The following CGGBP1 variants were observed in gnomAD, a reference collection of about 807,000 sequenced individuals.
CGGBP1 encodes the protein CGG triplet repeat binding protein 1.
A neutral mutation model predicts 11.4 loss-of-function variants in CGGBP1; 4 were observed. The observed-to-expected ratio is 0.35, with a 90% CI of 0.17 to 0.80. The LOEUF (loss-of-function observed/expected upper bound fraction) is 0.80. CGGBP1 is among the 30% of genes least tolerant of loss of function. The pLI is 0.52. For synonymous variants in CGGBP1, 76 were observed against 74.1 expected (o/e 1.03, Z -0.13); for missense variants, 135 against 202.1 (o/e 0.67, Z 2.01).
At chr3:88,103,334 A>G (rs1394067876) in intron 2 of CGGBP1, among the ~76,000 whole-genome samples, 1 of 152,236 alleles carries the variant, frequency 6.6e-6, no homozygotes, top group Non-Finnish European at 1.5e-5. Flanking sequence ...AAATAGACAC[A>G]TTAACAGATG....
exon 2 of CGGBP1, chr3:88,140,975 T>C (rs1376037599): frequency 8.7e-6 from 14 of 1,613,288 alleles, no homozygotes; most frequent in African/African-American, 1.3e-5. Context: ...CCTACTGTAA[T>C]GCAGAAGCAC....
chr3:88,062,304 G>A (rs1009461343), upstream of CGGBP1, among the ~76,000 whole-genome samples: 1 of 152,196 alleles, frequency 6.6e-6, no homozygotes, highest in African/African-American at 2.4e-5. Context: ...TTTCCATTAT[G>A]TAGACATGCT....
intron 3 of CGGBP1, 54 bp from the exon 4 acceptor site, chr3:88,056,053 A>C (rs930245447): frequency 1.5e-6 from 2 of 1,330,432 alleles, no homozygotes; most frequent in African/African-American, 2.9e-5. Flanking sequence ...TCATTCTGGA[A>C]GTAATGAACA....
At chr3:88,122,254 G>A (rs1705813903) in intron 2 of CGGBP1, among the ~76,000 whole-genome samples, 1 of 152,168 alleles carries the variant, frequency 6.6e-6, no homozygotes. Flanking sequence ...AATTTTGGGA[G>A]ATGTGGAAGA....
intron 2 of CGGBP1, among the ~76,000 whole-genome samples, chr3:88,101,196 A>T (rs761816724): frequency 8.5e-5 from 13 of 152,158 alleles, no homozygotes; most frequent in Non-Finnish European, 1.9e-4. Context: ...GGTAAGTTTT[A>T]TAGAGTTGTG....
chr3:88,055,839 G>A lies in CGGBP1; in HGVS notation c.138C>T (p.Cys46=), dbSNP rs1464186123. ...EDGGKLFCTS[C]NVVLNHVRKS... The stretch of plus-strand genomic sequence containing the variant: ...TGCGAACATGATTCAGAACCACATT[G>A]CAAGAAGTGCAGAAGAGTTTTCCTC... Residue 46 remains cysteine, a synonymous_variant, in exon 4 of 4, where the codon TGC becomes TGT. Coordinates refer to ENST00000482016, the MANE Select transcript of CGGBP1 (RefSeq NM_001008390.2). The surrounding 1 kb of genome is among the most constrained non-coding windows in gnomAD (Gnocchi z 4.2). 1.2e-6 allele frequency: 2 copies of A among 1,614,192 alleles called. No homozygotes were observed. Among genetic ancestry groups the A allele is most frequent in the South Asian group, 2.2e-5 (2 of 91,080 alleles).
At position 88,055,993 on chromosome 3, in the gene CGGBP1, T is replaced by C. The variant is rs2107559068; in HGVS notation, c.-17A>G. ...TCGCTCCATTCTGACTCTAAATAAA[T>C]ATGGTTCTTTCAAGACAAAAGAAAC... On this transcript the variant is annotated 5_prime_UTR_variant, in exon 4 of 4. The change creates a new upstream start codon in the 5' untranslated region. Transcript: ENST00000482016. This position sits in a 1 kb window ranked among gnomAD's most constrained non-coding sequence, Gnocchi z 4.2. 2.5e-6 allele frequency: 4 copies of C among 1,578,386 alleles called. No homozygotes were observed. Among genetic ancestry groups the C allele is most frequent in the Non-Finnish European group, 3.4e-6 (4 of 1,162,652 alleles).
Position 88,125,679 on chromosome 3 carries a change from CTT to C in CGGBP1, c.-229+15289_-229+15290del, listed in dbSNP as rs571868909. Among the ~76,000 whole-genome samples the C allele has an allele frequency of 4.6e-3, 698 of 152,274 alleles. 4 individuals are homozygous for C. The highest frequency in any genetic ancestry group is 0.01 in the Middle Eastern group (3 of 294). The stretch of plus-strand genomic sequence containing the variant: ...ATATATTTGGGATCAGGACAGGAGA[CTT>C]TTGTCTACCTGCCAGCCAGAGAGAG... On this transcript the variant is annotated intron_variant, in intron 2 of 3. Transcript: ENST00000462901.
At chr3:88,073,184 T>C (rs1261172851) in intron 2 of CGGBP1, among the ~76,000 whole-genome samples, 1 of 152,122 alleles carries the variant, frequency 6.6e-6, no homozygotes, top group Non-Finnish European at 1.5e-5. Flanking sequence ...AATTATTGGC[T>C]CCACCCAGAC....
intron 2 of CGGBP1, among the ~76,000 whole-genome samples, chr3:88,109,109 T>C (rs1449545231): frequency 6.6e-6 from 1 of 151,270 alleles, no homozygotes; most frequent in African/African-American, 2.4e-5. Flanking sequence ...GGAAGGGGTC[T>C]GGTAATGTAT....
At chr3:88,060,048 C>T (rs895899842), upstream of CGGBP1, among the ~76,000 whole-genome samples, 3 of 151,750 alleles carry the variant, frequency 2.0e-5, no homozygotes, top group African/African-American at 7.3e-5. Context: ...CTCCAGTTGG[C>T]GTAGACGCTG....
intron 2 of CGGBP1, among the ~76,000 whole-genome samples, chr3:88,094,064 C>T (rs1413384593): frequency 6.6e-6 from 1 of 151,154 alleles, no homozygotes; most frequent in African/African-American, 2.4e-5. Flanking sequence ...GGTCGTCTAG[C>T]GTTCTATTTC....
chr3:88,094,989 A>G (rs1447644466), intron 2 of CGGBP1, among the ~76,000 whole-genome samples: 1 of 152,154 alleles, frequency 6.6e-6, no homozygotes, highest in Non-Finnish European at 1.5e-5. Context: ...GGATTAAGGC[A>G]CTGGAAGAAT....
intron 2 of CGGBP1, among the ~76,000 whole-genome samples, chr3:88,070,048 A>G (rs893573319): frequency 1.3e-5 from 2 of 152,172 alleles, no homozygotes; most frequent in African/African-American, 2.4e-5. Context: ...AAATTTACAT[A>G]TATTCCATGC....
At chr3:88,076,323 A>G (rs538680431) in intron 2 of CGGBP1, among the ~76,000 whole-genome samples, 124 of 152,292 alleles carry the variant, frequency 8.1e-4, no homozygotes, top group Non-Finnish European at 1.5e-3. Flanking sequence ...TCAGTTAGGT[A>G]CTTTTGTAAC....
intron 2 of CGGBP1, chr3:88,112,988 G>C: frequency 1.6e-6 from 1 of 608,036 alleles, no homozygotes; most frequent in South Asian, 2.3e-5. Context: ...CTAGTGTTCA[G>C]TACAATTTTT....
chr3:88,078,798 G>T (rs1374994706), intron 2 of CGGBP1, among the ~76,000 whole-genome samples: 14 of 152,050 alleles, frequency 9.2e-5, no homozygotes, highest in Non-Finnish European at 1.5e-5. Flanking sequence ...GGAGATGGGG[G>T]ATGGATTAGT....
chr3:88,145,403 T>A (rs1204232916), intron 1 of CGGBP1, among the ~76,000 whole-genome samples: 1 of 152,104 alleles, frequency 6.6e-6, no homozygotes, highest in Non-Finnish European at 1.5e-5. Context: ...ATTGAAACAT[T>A]CTAGAGCTGA....
upstream of CGGBP1, chr3:88,059,267 T>G: frequency 2.0e-6 from 3 of 1,531,774 alleles, no homozygotes; most frequent in Non-Finnish European, 2.6e-6. Flanking sequence ...CCTAGGCATC[T>G]ACGGCGGCGG....
Sources: gnomAD v4.1 joint callset for allele counts (sites outside exome capture counted in the v4.1 genomes callset) on GRCh38, gnomAD v4.1.1 for gene constraint, Gnocchi (gnomAD v3.1) non-coding constraint, MANE v1.5 for transcripts, NCBI Gene and HGNC (gene_info 2026-07-23, HGNC 2026-07-21) for gene names.